PIP5KL1: variants seen among roughly 807,000 people sequenced by gnomAD.
The protein encoded by PIP5KL1 is phosphatidylinositol-4-phosphate 5-kinase like 1, also known as phosphatidylinositol 4-phosphate 5-kinase-like protein 1.
Under a neutral mutation model 47.6 loss-of-function variants are expected in PIP5KL1, and 45 were observed. The ratio of observed to expected loss-of-function variants is 0.94; its 90% CI spans 0.74 to 1.21. PIP5KL1 has a LOEUF of 1.21. PIP5KL1 is among the 50% of genes most tolerant of loss of function. The pLI is 0.00. For missense variants in PIP5KL1, 577 were observed against 547.6 expected (o/e 1.05, Z -0.54); for synonymous variants, 256 against 234.6 (o/e 1.09, Z -0.84).
rs147868113 is a variant in PIP5KL1 at position 127,925,161 on chromosome 9, C to T, written c.863G>A (p.Arg288His). 82 of 1,614,022 alleles carry T rather than the reference C, an allele frequency of 5.1e-5. No individual in the cohort carries two copies. The highest frequency in any genetic ancestry group is 1.7e-4 in the African/African-American group (13 of 74,936). ...CGGGCCCCTCTCATCCTCGTGGAGACGTTGGAAGGCTATCAGGAGGCTGTA... is the reference window on the plus strand; with the variant it reads ...CGGGCCCCTCTCATCCTCGTGGAGATGTTGGAAGGCTATCAGGAGGCTGTA... ...LDYSLLIAFQ[R>H]LHEDERGPGS... is the part of the protein sequence containing the mutation. Residue 288 changes from arginine (R) to histidine (H), a missense_variant, in exon 9 of 10, where the codon CGT becomes CAT. Coordinates refer to ENST00000388747, the MANE Select transcript of PIP5KL1 (RefSeq NM_001135219.2).
At chr9:127,923,632 C>T (rs528545213) in intron 9 of PIP5KL1, among the ~76,000 whole-genome samples, 6 of 152,352 alleles carry the variant, frequency 3.9e-5, no homozygotes, top group African/African-American at 1.4e-4. Context: ...AGGCCAGTGA[C>T]TCCAAATTCT....
Position 127,927,916 on chromosome 9 carries a change from C to T in PIP5KL1, c.435-144G>A. Reference sequence around the variant, plus strand: ...CCTTCGGCCCTCGCCCTCCTCTCCTCCCCGATCTGTCCACCATCCGGCCCT... The same window carrying T: ...CCTTCGGCCCTCGCCCTCCTCTCCTTCCCGATCTGTCCACCATCCGGCCCT... On this transcript the variant is annotated intron_variant, in intron 4 of 9. Coordinates refer to ENST00000388747, the MANE Select transcript of PIP5KL1 (RefSeq NM_001135219.2). The surrounding 1 kb of genome is among the most constrained non-coding windows in gnomAD (Gnocchi z 5.5). 6.8e-7 allele frequency: 1 copy of T among 1,466,208 alleles called. No individual in the cohort carries two copies. The highest frequency in any genetic ancestry group is 9.1e-7 in the Non-Finnish European group (1 of 1,101,702). 90.8% of individuals were successfully genotyped at this position (1,466,208 alleles called of 1,614,324 possible). A position where few individuals can be genotyped will look rare whatever the true frequency, so the allele number is the denominator to read the frequency against.
intron 3 of PIP5KL1, 75 bp downstream of exon 3, chr9:127,928,358 C>A: frequency 6.5e-7 from 1 of 1,543,598 alleles, no homozygotes; most frequent in East Asian, 2.4e-5. Context: ...ACTCCCACTG[C>A]ACAGATGGGA....
rs202116118 is a variant in PIP5KL1 at position 127,925,136 on chromosome 9, C to T, written c.888G>A (p.Pro296=). The part of the protein sequence containing the change: ...FQRLHEDERG[P]GSSLIFRTAR... Reference sequence around the variant, plus strand: ...CCGTGCGGAAGATGAGGCTGCTGCCCGGGCCCCTCTCATCCTCGTGGAGAC... The same window carrying T: ...CCGTGCGGAAGATGAGGCTGCTGCCTGGGCCCCTCTCATCCTCGTGGAGAC... Residue 296 remains proline (P), a synonymous_variant, in exon 9 of 10, where the codon CCG becomes CCA. Coordinates refer to ENST00000388747, the MANE Select transcript of PIP5KL1 (RefSeq NM_001135219.2). 1.6e-4 allele frequency: 261 copies of T among 1,614,096 alleles called. 2 individuals are homozygous for T. The East Asian group carries it at 4.4e-3, about 27-fold the overall frequency.
chr9:127,929,877 G>A lies in PIP5KL1; in HGVS notation c.39C>T (p.Ala13=). 6.5e-7 allele frequency: 1 copy of A among 1,530,988 alleles called. No homozygotes were observed. Among genetic ancestry groups the A allele is most frequent in the Non-Finnish European group, 8.8e-7 (1 of 1,138,552 alleles). The allele number at this position is 1,530,988 out of a possible 1,614,324, so 94.8% of individuals were successfully genotyped here. A position where few individuals can be genotyped will look rare whatever the true frequency, so the allele number is the denominator to read the frequency against. ...CTCTGCATCCAGCCTCAGGGGAGGGGGCCAGGACCTGGTGGGAGGAGGCAC... is the reference window on the plus strand; with the variant it reads ...CTCTGCATCCAGCCTCAGGGGAGGGAGCCAGGACCTGGTGGGAGGAGGCAC... ...APSPGPREVL[A]PSPEAGCRAV... is the part of the protein sequence containing the mutation. The change falls in exon 2 of 10, where the codon GCC becomes GCT. Residue 13 remains alanine (A), a synonymous_variant. Transcript: ENST00000388747. The surrounding 1 kb of genome is among the most constrained non-coding windows in gnomAD (Gnocchi z 4.0).
intron 1 of PIP5KL1, among the ~76,000 whole-genome samples, 163 bp from the exon 2 acceptor site, chr9:127,930,048 C>G (rs966289585): frequency 2.6e-5 from 4 of 152,296 alleles, no homozygotes; most frequent in Admixed American, 2.6e-4. Context: ...AGAGGGGCCA[C>G]ACAGTGCCTG....
At chr9:127,925,008 T>A (rs930186271) in intron 9 of PIP5KL1, 99 bp downstream of exon 9, 42 of 1,482,388 alleles carry the variant, frequency 2.8e-5, no homozygotes, top group Non-Finnish European at 4.6e-6. Context: ...CCTTCATGTC[T>A]TTGGCTGCAC....
In PIP5KL1 at chr9:127,928,189, C is replaced by A. The variant is rs755020185; in HGVS notation, c.310G>T (p.Ala104Ser). 5 of 1,538,414 alleles carry A rather than the reference C, an allele frequency of 3.3e-6. No individual in the cohort carries two copies. Among genetic ancestry groups the A allele is most frequent in the South Asian group, 1.2e-5 (1 of 82,854 alleles). Residue 104 changes from alanine (A) to serine (S), a missense_variant, in exon 4 of 10, where the codon GCC becomes TCC. Transcript: ENST00000388747. ...AGGGAGCGGCGCAGCCAGGCAAAGG[C>A]GGGGCCGGCCAGCGTGCCCAGCTCG... ...GFELGTLAGPAFAWLRRSLGL... is the reference protein window; with the variant it reads ...GFELGTLAGPSFAWLRRSLGL...
chr9:127,927,609 A>G lies in PIP5KL1; in HGVS notation c.559+39T>C. 6.8e-7 allele frequency: 1 copy of G among 1,476,880 alleles called. No individual in the cohort carries two copies. Among genetic ancestry groups the G allele is most frequent in the South Asian group, 1.3e-5 (1 of 79,308 alleles). The allele number at this position is 1,476,880 out of a possible 1,614,324, so 91.5% of individuals were successfully genotyped here. On this transcript the variant is annotated intron_variant, in intron 5 of 9. Transcript: ENST00000388747. This position sits in a 1 kb window ranked among gnomAD's most constrained non-coding sequence, Gnocchi z 5.5. ...GCCCTCCCCAGGTATATGATGACCT[A>G]GGACCCGCCCCCACCGAGCCCCGCC...
chr9:127,925,824 C>A (rs779406645), intron 8 of PIP5KL1, 43 bp downstream of exon 8: 2 of 1,511,518 alleles, frequency 1.3e-6, no homozygotes, highest in East Asian at 4.5e-5. Flanking sequence ...AAACTTCACC[C>A]TGAATGAAGG....
rs1831279366 is a variant in PIP5KL1 at position 127,921,457 on chromosome 9, G to A, written c.*390C>T. On this transcript the variant is annotated 3_prime_UTR_variant, in exon 10 of 10. Coordinates refer to ENST00000388747, the MANE Select transcript of PIP5KL1 (RefSeq NM_001135219.2). ...GCTGCAGCCTTCAGCCTCCCCCCTT[G>A]CCCAGATCATGAGGACCAAGCTGCA... 5.3e-6 allele frequency: 1 copy of A among 187,182 alleles called. No individual in the cohort carries two copies. Among genetic ancestry groups the A allele is most frequent in the African/African-American group, 2.4e-5 (1 of 42,136 alleles). 11.6% of individuals were successfully genotyped at this position (187,182 alleles called of 1,614,324 possible).
At position 127,927,636 on chromosome 9, in the gene PIP5KL1, C is replaced by G; in HGVS notation, c.559+12G>C. The stretch of plus-strand genomic sequence containing the variant: ...GACCCGCCCCCACCGAGCCCCGCCC[C>G]CAGCCAAGTACCCAGCAACCGCGCC... On this transcript the variant is annotated intron_variant, in intron 5 of 9. Coordinates refer to ENST00000388747, the MANE Select transcript of PIP5KL1 (RefSeq NM_001135219.2). This position sits in a 1 kb window ranked among gnomAD's most constrained non-coding sequence, Gnocchi z 5.5. 6.5e-7 allele frequency: 1 copy of G among 1,530,826 alleles called. No individual in the cohort carries two copies. Among genetic ancestry groups the G allele is most frequent in the South Asian group, 1.2e-5 (1 of 83,628 alleles). The allele number at this position is 1,530,826 out of a possible 1,614,324, so 94.8% of individuals were successfully genotyped here. A position where few individuals can be genotyped will look rare whatever the true frequency, so the allele number is the denominator to read the frequency against.
Position 127,927,344 on chromosome 9 carries a change from A to T in PIP5KL1, c.560-13T>A, listed in dbSNP as rs377277858. 86 of 1,604,282 alleles carry T rather than the reference A, an allele frequency of 5.4e-5. No individual in the cohort carries two copies. The African/African-American group carries it at 1.0e-3, about 19-fold the overall frequency. On this transcript the variant is annotated splice_polypyrimidine_tract_variant and intron_variant, in intron 5 of 9. Coordinates refer to ENST00000388747, the MANE Select transcript of PIP5KL1 (RefSeq NM_001135219.2). This position sits in a 1 kb window ranked among gnomAD's most constrained non-coding sequence, Gnocchi z 5.5. ...AGACTGTGCACTCCTGGAAGGGGAGAGGGCGCCGGATGAGGATCCCCAAAC... is the reference window on the plus strand; with the variant it reads ...AGACTGTGCACTCCTGGAAGGGGAGTGGGCGCCGGATGAGGATCCCCAAAC...
intron 8 of PIP5KL1, 122 bp downstream of exon 8, chr9:127,925,745 T>G: frequency 1.2e-6 from 1 of 837,406 alleles, no homozygotes; most frequent in East Asian, 2.6e-5. Context: ...ATTACAGGCG[T>G]GAGCCACGGC....
Sources: allele counts gnomAD v4.1 joint callset (sites outside exome capture counted in the v4.1 genomes callset), GRCh38; gene constraint gnomAD v4.1.1; non-coding constraint Gnocchi (gnomAD v3.1); transcripts MANE v1.5; gene names NCBI Gene and HGNC (gene_info 2026-07-23, HGNC 2026-07-21).